Variants in GPR26 observed in about 807,000 individuals in gnomAD.
The protein encoded by GPR26 is G protein-coupled receptor 26.
Under a neutral mutation model 23.1 loss-of-function variants are expected in GPR26, and 15 were observed. The ratio of observed to expected loss-of-function variants is 0.65; its 90% CI spans 0.43 to 1.00. The LOEUF is 1.00. Ranked by LOEUF, GPR26 falls within the 50% of genes least tolerant of loss-of-function variation. The pLI, the probability that GPR26 is intolerant of heterozygous loss-of-function variation, is 0.00. For missense variants in GPR26, 359 were observed against 470.5 expected, an observed-to-expected ratio of 0.76 and a Z score of 2.19; for synonymous variants, 228 against 222.1, an observed-to-expected ratio of 1.03 and a Z score of -0.24.
rs1564728679 is a variant in GPR26, at chr10:123,666,557, C to T, written c.150C>T (p.Cys50=). 6.3e-7 allele frequency: 1 copy of T among 1,596,794 alleles called. No homozygotes were observed. Residue 50 remains cysteine, a synonymous_variant, in exon 1 of 3, where the codon TGC becomes TGT. Coordinates refer to ENST00000284674, the MANE Select transcript of GPR26 (RefSeq NM_153442.4). ...APALFTLNLT[C]GNLLCTVVNM... ...CGCTCTTCACCCTGAACCTCACGTG[C>T]GGGAACCTGCTGTGCACCGTGGTCA...
chr10:123,675,187 C>T (rs375482048), intron 2 of GPR26, among the ~76,000 whole-genome samples: 3 of 152,172 alleles, frequency 2.0e-5, no homozygotes, highest in Admixed American at 6.5e-5. Context: ...CACATAATTA[C>T]ACCCTTTATC....
intron 2 of GPR26, among the ~76,000 whole-genome samples, chr10:123,685,476 G>A (rs1322096723): frequency 1.7e-4 from 26 of 152,224 alleles, no homozygotes; most frequent in Admixed American, 1.7e-3. Context: ...GCCAGCCACA[G>A]CCGGGCCTGG....
intron 2 of GPR26, among the ~76,000 whole-genome samples, chr10:123,685,246 G>T (rs1845418614): frequency 6.6e-6 from 1 of 152,214 alleles, no homozygotes; most frequent in East Asian, 1.9e-4. Flanking sequence ...GGACTGAATT[G>T]TCCCTCTCTA....
chr10:123,690,499 A>G lies in GPR26; in HGVS notation c.*2339A>G, dbSNP rs1407945923. 6.6e-6 allele frequency: 1 copy of G among 152,196 alleles called. No homozygotes were observed. Among genetic ancestry groups the G allele is most frequent in the East Asian group, 1.9e-4 (1 of 5,190 alleles). The allele number at this position is 152,196 out of a possible 1,614,324, so 9.4% of individuals were successfully genotyped here. A position where few individuals can be genotyped will look rare whatever the true frequency, so the allele number is the denominator to read the frequency against. On this transcript the variant is annotated 3_prime_UTR_variant, in exon 3 of 3. Transcript: ENST00000284674. ...ATCTCTTTTACCTCTTCTTTAGCCA[A>G]GAAGCAAGATCTGTCACCCACAACA...
rs576185893 is a variant in GPR26, at chr10:123,688,457, T to C, written c.*297T>C. 1 of 403,376 alleles carries C rather than the reference T, an allele frequency of 2.5e-6. No homozygotes were observed. The highest frequency in any genetic ancestry group is 2.5e-5 in the South Asian group (1 of 40,124). The allele number at this position is 403,376 out of a possible 1,614,324, so 25.0% of individuals were successfully genotyped here. On this transcript the variant is annotated 3_prime_UTR_variant, in exon 3 of 3. Transcript: ENST00000284674. ...GGCTCCCTGGGGGATGACACTCAGTTCTGTCACTGTCAAGGATGCAGAGAG... is the reference window on the plus strand; with the variant it reads ...GGCTCCCTGGGGGATGACACTCAGTCCTGTCACTGTCAAGGATGCAGAGAG...
In GPR26 at chr10:123,690,719, G is replaced by T. The variant is rs1589933071; in HGVS notation, c.*2559G>T. 1 of 152,194 alleles carries T rather than the reference G, an allele frequency of 6.6e-6. No individual in the cohort carries two copies. Among genetic ancestry groups the T allele is most frequent in the South Asian group, 2.1e-4 (1 of 4,832 alleles). The allele number at this position is 152,194 out of a possible 1,614,324, so 9.4% of individuals were successfully genotyped here. A position where few individuals can be genotyped will look rare whatever the true frequency, so the allele number is the denominator to read the frequency against. On this transcript the variant is annotated 3_prime_UTR_variant, in exon 3 of 3. Transcript: ENST00000284674. ...TTAGCAACCAGTGTTAGCCAACTCT[G>T]CTGTAATTACCTTTAGATAAATGTT...
chr10:123,680,889 G>C (rs568345744), intron 2 of GPR26, among the ~76,000 whole-genome samples: 1 of 150,976 alleles, frequency 6.6e-6, no homozygotes, highest in African/African-American at 2.4e-5. Flanking sequence ...GCCCAGGCTG[G>C]AGTGCAATAG....
chr10:123,695,953 C>G lies in GPR26; in HGVS notation c.*7793C>G, dbSNP rs1393765586. Among the ~76,000 whole-genome samples, 2 of 152,170 alleles carry G rather than the reference C, an allele frequency of 1.3e-5. No homozygotes were observed. The highest frequency in any genetic ancestry group is 1.3e-4 in the Admixed American group (2 of 15,282). On this transcript the variant is annotated 3_prime_UTR_variant, in exon 3 of 3. Transcript: ENST00000284674. ...AAAATGGCTAACTCTGGATCACAAA[C>G]AGCACAAATTAAAAAGGTGCCTTGC...
intron 1 of GPR26, among the ~76,000 whole-genome samples, chr10:123,670,906 A>G (rs989038309): frequency 1.3e-5 from 2 of 152,182 alleles, no homozygotes; most frequent in African/African-American, 4.8e-5. Flanking sequence ...AGGTAGGCAC[A>G]TCCCCTTAGC....
intron 2 of GPR26, among the ~76,000 whole-genome samples, chr10:123,682,934 G>A (rs1033803888): frequency 2.0e-5 from 3 of 152,234 alleles, no homozygotes; most frequent in African/African-American, 7.2e-5. Flanking sequence ...TGGGCTGGCT[G>A]TCCAAGGAAT....
rs1589921307 is a variant in GPR26 at position 123,666,509 on chromosome 10, G to C, written c.102G>C (p.Ala34=). 2 of 1,576,256 alleles carry C rather than the reference G, an allele frequency of 1.3e-6. No homozygotes were observed. Among genetic ancestry groups the C allele is most frequent in the Non-Finnish European group, 1.7e-6 (2 of 1,165,198 alleles). Residue 34 remains alanine, a synonymous_variant, in exon 1 of 3, where the codon GCG becomes GCC. Coordinates refer to ENST00000284674, the MANE Select transcript of GPR26 (RefSeq NM_153442.4). ...TGCTGCTCTGCCTGCTGCACAGCGCGGACATCCGCCGCCAGGCGCCGGCGC... is the reference window on the plus strand; with the variant it reads ...TGCTGCTCTGCCTGCTGCACAGCGCCGACATCCGCCGCCAGGCGCCGGCGC... ...ALVLLCLLHS[A]DIRRQAPALF...
intron 1 of GPR26, among the ~76,000 whole-genome samples, chr10:123,671,429 G>T (rs532422712): frequency 6.6e-6 from 1 of 152,130 alleles, no homozygotes; most frequent in Non-Finnish European, 1.5e-5. Context: ...ACACATGCTC[G>T]CACTCTGGCT....
chr10:123,688,444 GA>G lies in GPR26; in HGVS notation c.*285del, dbSNP rs1564733985. 2 of 436,904 alleles carry G rather than the reference GA, an allele frequency of 4.6e-6. No homozygotes were observed. Among genetic ancestry groups the G allele is most frequent in the African/African-American group, 2.0e-5 (1 of 50,188 alleles). 27.1% of individuals were successfully genotyped at this position (436,904 alleles called of 1,614,324 possible). On this transcript the variant is annotated 3_prime_UTR_variant, in exon 3 of 3. Coordinates refer to ENST00000284674, the MANE Select transcript of GPR26 (RefSeq NM_153442.4). ...TGGACTCACCTGAGGCTCCCTGGGGGATGACACTCAGTTCTGTCACTGTCAA... is the reference window on the plus strand; with the variant it reads ...TGGACTCACCTGAGGCTCCCTGGGGGTGACACTCAGTTCTGTCACTGTCAA...
At chr10:123,681,429 A>C (rs1212963582) in intron 2 of GPR26, among the ~76,000 whole-genome samples, 3 of 152,188 alleles carry the variant, frequency 2.0e-5, no homozygotes, top group African/African-American at 7.2e-5. Context: ...TACACCCTTC[A>C]TTGAGCTGTC....
At chr10:123,670,269 A>ACTACACTGTGCC (rs1349021291) in intron 1 of GPR26, among the ~76,000 whole-genome samples, 5 of 152,164 alleles carry the variant, frequency 3.3e-5, no homozygotes, top group African/African-American at 1.2e-4. Flanking sequence ...GTAGACAGGA[A>ACTACACTGTGCC]CTACACTGTG....
At chr10:123,671,722 G>C (rs1372599797) in intron 1 of GPR26, among the ~76,000 whole-genome samples, 1 of 152,164 alleles carries the variant, frequency 6.6e-6, no homozygotes, top group Non-Finnish European at 1.5e-5. Flanking sequence ...CAGGCAGTGG[G>C]GTCTCAGGGA....
At chr10:123,678,281 G>T (rs1261730593) in intron 2 of GPR26, among the ~76,000 whole-genome samples, 1 of 152,120 alleles carries the variant, frequency 6.6e-6, no homozygotes. Context: ...TGTGAGGTGT[G>T]CCAGTGCCCT....
rs1198548996 is a variant in GPR26 at position 123,692,911 on chromosome 10, C to G, written c.*4751C>G. On this transcript the variant is annotated 3_prime_UTR_variant, in exon 3 of 3. Coordinates refer to ENST00000284674, the MANE Select transcript of GPR26 (RefSeq NM_153442.4). Reference sequence around the variant, plus strand: ...AGTTTCAATTGTCTTGTATCTTTCCCTAATTCTCCAAACGGTTCAATCTCC... The same window carrying G: ...AGTTTCAATTGTCTTGTATCTTTCCGTAATTCTCCAAACGGTTCAATCTCC... The G allele has an allele frequency of 6.6e-6, 1 of 152,114 alleles. No individual in the cohort carries two copies. Among genetic ancestry groups the G allele is most frequent in the Non-Finnish European group, 1.5e-5 (1 of 68,044 alleles). The allele number at this position is 152,114 out of a possible 1,614,324, so 9.4% of individuals were successfully genotyped here. A position where few individuals can be genotyped will look rare whatever the true frequency, so the allele number is the denominator to read the frequency against.
At chr10:123,681,981 G>A (rs1845382826) in intron 2 of GPR26, among the ~76,000 whole-genome samples, 1 of 152,202 alleles carries the variant, frequency 6.6e-6, no homozygotes, top group African/African-American at 2.4e-5. Context: ...GGGAGTGACT[G>A]AGCCAAGAGT....
Sources: gnomAD v4.1 joint callset for allele counts (sites outside exome capture counted in the v4.1 genomes callset) on GRCh38, gnomAD v4.1.1 for gene constraint, MANE v1.5 for transcripts, NCBI Gene and HGNC (gene_info 2026-07-23, HGNC 2026-07-21) for gene names.